Variants in ACOX3 observed in about 807,000 individuals in gnomAD.
ACOX3 encodes the protein acyl-CoA oxidase 3, pristanoyl, also known as peroxisomal acyl-coenzyme A oxidase 3.
ACOX3 carries 73 observed loss-of-function variants against 81.5 expected under a neutral mutation model. The observed-to-expected ratio is 0.90, with a 90% CI of 0.74 to 1.09. The LOEUF (loss-of-function observed/expected upper bound fraction) is 1.09. ACOX3 is among the 50% of genes least tolerant of loss of function. The pLI is 0.00. For synonymous variants in ACOX3, 387 were observed against 375.1 expected (o/e 1.03, Z -0.37); for missense variants, 947 against 928.0 (o/e 1.02, Z -0.27).
In ACOX3 at chr4:8,399,915, C is replaced by T. The variant is rs1720177140; in HGVS notation, c.777-263G>A. Among the ~76,000 whole-genome samples, 1 of 152,092 alleles carries T rather than the reference C, an allele frequency of 6.6e-6. No homozygotes were observed. The highest frequency in any genetic ancestry group is 2.1e-4 in the South Asian group (1 of 4,824). The stretch of plus-strand genomic sequence containing the variant: ...AGGAGTTTGAGACCAGCCTGGGCAA[C>T]ACAGTGAGACCCTGTTTCTAAAAAA... On this transcript the variant is annotated intron_variant, in intron 7 of 17. Transcript: ENST00000356406. The surrounding 1 kb of genome is among the most constrained non-coding windows in gnomAD (Gnocchi z 4.9).
chr4:8,374,826 T>C (rs906565577), intron 15 of ACOX3, 152 bp downstream of exon 15: 24 of 830,726 alleles, frequency 2.9e-5, no homozygotes, highest in Non-Finnish European at 3.8e-5. Context: ...CTTCTCATTA[T>C]GGAACTGGGC....
At position 8,368,107 on chromosome 4, in the gene ACOX3, C is replaced by A. The variant is rs1157966160; in HGVS notation, c.1984-1027G>T. Among the ~76,000 whole-genome samples the A allele has an allele frequency of 6.6e-6, 1 of 152,232 alleles. No individual in the cohort carries two copies. The highest frequency in any genetic ancestry group is 1.9e-4 in the East Asian group (1 of 5,198). On this transcript the variant is annotated intron_variant, in intron 17 of 17. Transcript: ENST00000356406. The surrounding 1 kb of genome is among the most constrained non-coding windows in gnomAD (Gnocchi z 5.9). ...TGCTGCTCTGAAATCTGCTCTCACA[C>A]CCCAGGCCGCTACAGGCCGCACAGG...
chr4:8,414,965 G>A lies in ACOX3; in HGVS notation c.379-37C>T. ...ACATCGTCCTATCAACAGGGGGCAGGTAAGAAGAGTACTGCTCTTCCGGAA... is the reference window on the plus strand; with the variant it reads ...ACATCGTCCTATCAACAGGGGGCAGATAAGAAGAGTACTGCTCTTCCGGAA... On this transcript the variant is annotated intron_variant, in intron 3 of 17. Coordinates refer to ENST00000356406, the MANE Select transcript of ACOX3 (RefSeq NM_003501.3). This position sits in a 1 kb window ranked among gnomAD's most constrained non-coding sequence, Gnocchi z 6.1. 1 of 1,581,024 alleles carries A rather than the reference G, an allele frequency of 6.3e-7. No individual in the cohort carries two copies. Among genetic ancestry groups the A allele is most frequent in the African/African-American group, 1.3e-5 (1 of 74,304 alleles).
At chr4:8,393,633 A>G (rs796563938) in intron 10 of ACOX3, among the ~76,000 whole-genome samples, 2,002 of 71,176 alleles carry the variant, frequency 0.028, 47 homozygotes, top group African/African-American at 0.077. Context: ...ACACACACAC[A>G]CACGCACACA....
rs1477356042 is a variant in ACOX3, at chr4:8,394,040, C to T, written c.1179+580G>A. Among the ~76,000 whole-genome samples, 1 of 152,216 alleles carries T rather than the reference C, an allele frequency of 6.6e-6. No individual in the cohort carries two copies. The highest frequency in any genetic ancestry group is 1.5e-5 in the Non-Finnish European group (1 of 68,038). ...CTTTTTCTGATGTTGTACATAACAG[C>T]AATCTGTGGCGTTTCTCCTCTGCTT... On this transcript the variant is annotated intron_variant, in intron 10 of 17. Transcript: ENST00000356406. This position sits in a 1 kb window ranked among gnomAD's most constrained non-coding sequence, Gnocchi z 5.9.
At chr4:8,380,648 G>GTGTCC (rs1717521200) in intron 14 of ACOX3, among the ~76,000 whole-genome samples, 1 of 152,184 alleles carries the variant, frequency 6.6e-6, no homozygotes, top group East Asian at 1.9e-4. Context: ...CCAGAGACAG[G>GTGTCC]CAGATGTGGA....
chr4:8,361,721 T>C (rs527374263), downstream of ACOX3, among the ~76,000 whole-genome samples: 2 of 152,302 alleles, frequency 1.3e-5, no homozygotes, highest in African/African-American at 2.4e-5. Context: ...ATGGCCAAAC[T>C]GATTAAGTTT....
At position 8,386,547 on chromosome 4, in the gene ACOX3, C is replaced by T. The variant is rs943635973; in HGVS notation, c.1537+2626G>A. 7.2e-5 allele frequency among the ~76,000 whole-genome samples: 10 copies of T among 139,700 alleles called. No individual in the cohort carries two copies. The highest frequency in any genetic ancestry group is 6.8e-4 in the South Asian group (3 of 4,390). 91.6% of individuals were successfully genotyped at this position (139,700 alleles called of 152,430 possible). A position where few individuals can be genotyped will look rare whatever the true frequency, so the allele number is the denominator to read the frequency against. ...TACCACTGCACTCCAGCCTGGGCGA[C>T]AGAGCGAGACTCCGTCTCAAAAAAA... On this transcript the variant is annotated intron_variant, in intron 13 of 17. Transcript: ENST00000356406. The surrounding 1 kb of genome is among the most constrained non-coding windows in gnomAD (Gnocchi z 5.2).
At position 8,384,219 on chromosome 4, in the gene ACOX3, CTG is replaced by C. The variant is rs1190883112; in HGVS notation, c.1538-2614_1538-2613del. On this transcript the variant is annotated intron_variant, in intron 13 of 17. Coordinates refer to ENST00000356406, the MANE Select transcript of ACOX3 (RefSeq NM_003501.3). This position sits in a 1 kb window ranked among gnomAD's most constrained non-coding sequence, Gnocchi z 5.3. Reference sequence around the variant, plus strand: ...GCTTGAGAAATGAGTTATGTTTGCACTGTGTTTTTTCCTTACACTCTACTTTT... The same window carrying C: ...GCTTGAGAAATGAGTTATGTTTGCACTGTTTTTTCCTTACACTCTACTTTT... Among the ~76,000 whole-genome samples, 2 of 152,218 alleles carry C rather than the reference CTG, an allele frequency of 1.3e-5. No individual in the cohort carries two copies. Among genetic ancestry groups the C allele is most frequent in the Non-Finnish European group, 2.9e-5 (2 of 68,038 alleles).
At chr4:8,396,103 G>A (rs557876819) in intron 9 of ACOX3, among the ~76,000 whole-genome samples, 1 of 152,324 alleles carries the variant, frequency 6.6e-6, no homozygotes, top group African/African-American at 2.4e-5. Context: ...GCTGCTGCCT[G>A]GGCTGCATCT....
chr4:8,373,976 T>C, intron 15 of ACOX3: 1 of 315,644 alleles, frequency 3.2e-6, no homozygotes, highest in East Asian at 7.7e-5. Context: ...AGGAAGGGGC[T>C]CCTGGGCAGA....
At chr4:8,392,657 C>T (rs1719142839) in intron 10 of ACOX3, among the ~76,000 whole-genome samples, 1 of 151,916 alleles carries the variant, frequency 6.6e-6, no homozygotes. Context: ...TACGCTCATA[C>T]CATTTCACAA....
At chr4:8,428,365 G>A (rs1294535233) in intron 1 of ACOX3, 1 of 152,678 alleles carries the variant, frequency 6.5e-6, no homozygotes, top group Non-Finnish European at 1.5e-5. Flanking sequence ...CAGGCGCTCA[G>A]GGGATGCCTG....
In ACOX3 at chr4:8,389,091, C is replaced by T. The variant is rs1333868999; in HGVS notation, c.1537+82G>A. ...GCCCCGGCTGGAACTGCCAAGGGTC[C>T]CCTCACCGAGGCACGGTGCGTTTCC... is the stretch of plus-strand genomic sequence containing the variant. On this transcript the variant is annotated intron_variant, in intron 13 of 17. Transcript: ENST00000356406. This position sits in a 1 kb window ranked among gnomAD's most constrained non-coding sequence, Gnocchi z 5.3. The T allele has an allele frequency of 8.5e-6, 10 of 1,170,536 alleles. No homozygotes were observed. The highest frequency in any genetic ancestry group is 1.9e-5 in the Admixed American group (1 of 51,284). The allele number at this position is 1,170,536 out of a possible 1,614,324, so 72.5% of individuals were successfully genotyped here.
chr4:8,371,601 G>A (rs1401199461), intron 16 of ACOX3, among the ~76,000 whole-genome samples: 1 of 152,274 alleles, frequency 6.6e-6, no homozygotes, highest in African/African-American at 2.4e-5. Context: ...CCAGGAATGG[G>A]AGACACCGCT....
In ACOX3 at chr4:8,414,276, G is replaced by A. The variant is rs1381006873; in HGVS notation, c.543+16C>T. Reference sequence around the variant, plus strand: ...TATGCTCCAAACTCAGGGACCCGGGGGAAGGTAATACCTACCTCAGTGGCA... The same window carrying A: ...TATGCTCCAAACTCAGGGACCCGGGAGAAGGTAATACCTACCTCAGTGGCA... On this transcript the variant is annotated intron_variant, in intron 5 of 17. Coordinates refer to ENST00000356406, the MANE Select transcript of ACOX3 (RefSeq NM_003501.3). The surrounding 1 kb of genome is among the most constrained non-coding windows in gnomAD (Gnocchi z 6.1). The A allele has an allele frequency of 1.2e-6, 2 of 1,606,878 alleles. No individual in the cohort carries two copies. Among genetic ancestry groups the A allele is most frequent in the Non-Finnish European group, 1.7e-6 (2 of 1,173,444 alleles).
rs1196740136 is a variant in ACOX3, at chr4:8,437,450, G to A, written c.-15+3198C>T. ...TAAAAAAGAGAATCAGAAGAAAATGGGAGAGACAGCAGTGCGCGGGGGCAG... is the reference window on the plus strand; with the variant it reads ...TAAAAAAGAGAATCAGAAGAAAATGAGAGAGACAGCAGTGCGCGGGGGCAG... On this transcript the variant is annotated intron_variant, in intron 1 of 17. Transcript: ENST00000356406. The surrounding 1 kb of genome is among the most constrained non-coding windows in gnomAD (Gnocchi z 5.2). 2.6e-5 allele frequency among the ~76,000 whole-genome samples: 4 copies of A among 152,328 alleles called. No individual in the cohort carries two copies. Among genetic ancestry groups the A allele is most frequent in the African/African-American group, 9.6e-5 (4 of 41,584 alleles).
chr4:8,425,354 C>A (rs967078369), intron 1 of ACOX3, among the ~76,000 whole-genome samples: 3 of 151,994 alleles, frequency 2.0e-5, no homozygotes, highest in African/African-American at 7.3e-5. Context: ...GGATGGGGAA[C>A]CTCACGAGGA....
chr4:8,430,377 G>T lies in ACOX3; in HGVS notation c.-15+10271C>A, dbSNP rs1723888289. Among the ~76,000 whole-genome samples, 1 of 152,184 alleles carries T rather than the reference G, an allele frequency of 6.6e-6. No individual in the cohort carries two copies. On this transcript the variant is annotated intron_variant, in intron 1 of 17. Coordinates refer to ENST00000356406, the MANE Select transcript of ACOX3 (RefSeq NM_003501.3). This position sits in a 1 kb window ranked among gnomAD's most constrained non-coding sequence, Gnocchi z 5.2. The stretch of plus-strand genomic sequence containing the variant: ...TGAATCCCCAGGAGCAACAAGGATT[G>T]CCTGAAGACAAAGCAATCATGGTCT...
Sources: allele counts gnomAD v4.1 joint callset (sites outside exome capture counted in the v4.1 genomes callset), GRCh38; gene constraint gnomAD v4.1.1; non-coding constraint Gnocchi (gnomAD v3.1); transcripts MANE v1.5; gene names NCBI Gene and HGNC (gene_info 2026-07-23, HGNC 2026-07-21).